The following LRRC4C variants were observed in gnomAD, a reference collection of about 807,000 sequenced individuals.
The protein encoded by LRRC4C is leucine rich repeat containing 4C, also known as leucine-rich repeat-containing protein 4C.
A neutral mutation model predicts 33.6 loss-of-function variants in LRRC4C; 5 were observed. The observed-to-expected ratio is 0.15, with a 90% CI of 0.08 to 0.31. The LOEUF (loss-of-function observed/expected upper bound fraction) is 0.31, where lower values mean the gene tolerates loss of function less well. Ranked by LOEUF, LRRC4C falls within the 10% of genes least tolerant of loss-of-function variation. The probability of loss-of-function intolerance (pLI) is 1.00; values close to 1 mark genes in which losing one functional copy is unlikely to be tolerated. For synonymous variants in LRRC4C, 329 were observed against 302.0 expected (o/e 1.09, Z -0.93); for missense variants, 560 against 796.7 (o/e 0.70, Z 3.58).
chr11:41,361,755 G>A (rs1952362631), intron 1 of LRRC4C, among the ~76,000 whole-genome samples: 1 of 152,070 alleles, frequency 6.6e-6, no homozygotes, highest in Non-Finnish European at 1.5e-5. Context: ...AGTGTCATTA[G>A]GAAAAATGGT....
chr11:40,739,151 C>A (rs1388152817), intron 2 of LRRC4C, among the ~76,000 whole-genome samples: 1 of 151,768 alleles, frequency 6.6e-6, no homozygotes, highest in Non-Finnish European at 1.5e-5. Context: ...CATATTAGAC[C>A]TCCAGGACTT....
At chr11:40,791,935 T>C (rs903517092) in intron 2 of LRRC4C, among the ~76,000 whole-genome samples, 4 of 152,090 alleles carry the variant, frequency 2.6e-5, no homozygotes, top group African/African-American at 9.7e-5. Flanking sequence ...TAAAAAAGGC[T>C]CTGGCTTCTT....
At chr11:40,748,731 A>G (rs1369220751) in intron 2 of LRRC4C, among the ~76,000 whole-genome samples, 2 of 152,156 alleles carry the variant, frequency 1.3e-5, no homozygotes, top group African/African-American at 4.8e-5. Context: ...GCTGCCTACT[A>G]GAAACGCACT....
At chr11:41,153,424 A>C (rs1944088390) in intron 1 of LRRC4C, among the ~76,000 whole-genome samples, 1 of 152,214 alleles carries the variant, frequency 6.6e-6, no homozygotes, top group African/African-American at 2.4e-5. Flanking sequence ...ATTCATTGAA[A>C]GCCCAAATCA....
At chr11:40,426,330 T>C (rs1009750717) in intron 3 of LRRC4C, among the ~76,000 whole-genome samples, 2 of 151,910 alleles carry the variant, frequency 1.3e-5, no homozygotes, top group Admixed American at 6.6e-5. Flanking sequence ...GTTACTTCTA[T>C]GGCCTCCTAC....
At chr11:40,383,345 C>T (rs1041590598) in intron 3 of LRRC4C, among the ~76,000 whole-genome samples, 11 of 152,058 alleles carry the variant, frequency 7.2e-5, no homozygotes, top group Admixed American at 3.9e-4. Context: ...TGTTTGATAT[C>T]GTGATTTGAA....
intron 3 of LRRC4C, among the ~76,000 whole-genome samples, chr11:40,442,933 A>G (rs1951459901): frequency 6.6e-6 from 1 of 152,220 alleles, no homozygotes. Flanking sequence ...GTTGAATGCT[A>G]AAAGTGTAAC....
intron 1 of LRRC4C, among the ~76,000 whole-genome samples, chr11:41,353,236 A>G (rs1397638703): frequency 6.6e-6 from 1 of 152,130 alleles, no homozygotes; most frequent in Non-Finnish European, 1.5e-5. Flanking sequence ...GATTATTATG[A>G]ACACCACTGT....
At chr11:40,785,468 CTT>C (rs1451937263) in intron 2 of LRRC4C, among the ~76,000 whole-genome samples, 17 of 152,128 alleles carry the variant, frequency 1.1e-4, no homozygotes, top group Admixed American at 1.1e-3. Context: ...AATGGCATCT[CTT>C]GGTTATAGTT....
At chr11:40,635,035 G>T (rs1429881258) in intron 3 of LRRC4C, among the ~76,000 whole-genome samples, 1 of 151,076 alleles carries the variant, frequency 6.6e-6, no homozygotes, top group Non-Finnish European at 1.5e-5. Context: ...TACAAAACAT[G>T]TTTACTCTTT....
At chr11:40,390,983 G>A (rs182194479) in intron 3 of LRRC4C, among the ~76,000 whole-genome samples, 4 of 152,204 alleles carry the variant, frequency 2.6e-5, no homozygotes, top group African/African-American at 9.6e-5. Context: ...CCAGGTTCAA[G>A]CAATTGTGGT....
At chr11:40,208,720 A>G (rs980520499) in intron 5 of LRRC4C, among the ~76,000 whole-genome samples, 3 of 152,214 alleles carry the variant, frequency 2.0e-5, no homozygotes, top group African/African-American at 7.2e-5. Flanking sequence ...CATATATAAC[A>G]TATGCATGTA....
chr11:40,336,702 C>A (rs773473658), intron 3 of LRRC4C, among the ~76,000 whole-genome samples: 6 of 151,954 alleles, frequency 3.9e-5, no homozygotes, highest in Non-Finnish European at 5.9e-5. Context: ...AGGGGCTGGG[C>A]ACGGTGGCTC....
intron 3 of LRRC4C, among the ~76,000 whole-genome samples, chr11:40,545,685 G>A (rs376150588): frequency 6.6e-6 from 1 of 151,920 alleles, no homozygotes; most frequent in Admixed American, 6.6e-5. Flanking sequence ...TTCACCTTGC[G>A]CTTTAACCTC....
At chr11:41,326,271 C>T (rs560844204) in intron 1 of LRRC4C, among the ~76,000 whole-genome samples, 299 of 152,258 alleles carry the variant, frequency 2.0e-3, no homozygotes, top group Non-Finnish European at 3.3e-3. Flanking sequence ...CGAAGTTCTT[C>T]AGCATTTGGA....
intron 2 of LRRC4C, among the ~76,000 whole-genome samples, chr11:40,729,186 T>C (rs1222146326): frequency 6.6e-6 from 1 of 152,184 alleles, no homozygotes; most frequent in African/African-American, 2.4e-5. Context: ...GCATGTTCAG[T>C]TGGTTCCAGA....
chr11:41,235,822 C>T (rs1947998011), intron 1 of LRRC4C, among the ~76,000 whole-genome samples: 1 of 152,094 alleles, frequency 6.6e-6, no homozygotes, highest in South Asian at 2.1e-4. Context: ...GGAGTTCTTA[C>T]ATATTCAAGT....
In LRRC4C at chr11:40,378,946, T is replaced by C. The variant is rs529001390; in HGVS notation, c.-269-59225A>G. Among the ~76,000 whole-genome samples the C allele has an allele frequency of 7.2e-5, 11 of 152,266 alleles. No homozygotes were observed. The East Asian group carries it at 2.1e-3, about 29-fold the overall frequency. On this transcript the variant is annotated intron_variant, in intron 3 of 6. Coordinates refer to ENST00000528697, the MANE Select transcript of LRRC4C (RefSeq NM_001258419.2). ...TTTTCCATTGCTTTACTGACAGATA[T>C]TTGGCAGGTACCAAAGCCATTGATT...
chr11:41,224,522 T>C (rs1016022156), intron 1 of LRRC4C, among the ~76,000 whole-genome samples: 3 of 152,198 alleles, frequency 2.0e-5, no homozygotes, highest in African/African-American at 7.2e-5. Flanking sequence ...AAAGGTGATA[T>C]TTGAATTCCT....
Sources: gnomAD v4.1 joint callset for allele counts (sites outside exome capture counted in the v4.1 genomes callset) on GRCh38, gnomAD v4.1.1 for gene constraint, MANE v1.5 for transcripts, NCBI Gene and HGNC (gene_info 2026-07-23, HGNC 2026-07-21) for gene names.